Variants in PATJ observed in about 807,000 individuals in gnomAD.
The protein encoded by PATJ is PATJ crumbs cell polarity complex component, also known as inaD-like protein.
A neutral mutation model predicts 224.9 loss-of-function variants in PATJ; 190 were observed. The observed-to-expected ratio is 0.84, with a 90% confidence interval of 0.75 to 0.95. PATJ has a LOEUF of 0.95. Ranked by LOEUF, PATJ falls within the 40% of genes least tolerant of loss-of-function variation. The pLI is 0.00. For synonymous variants in PATJ, 769 were observed against 820.3 expected (o/e 0.94, Z 1.07); for missense variants, 2,121 against 2,270.3 (o/e 0.93, Z 1.34).
At chr1:61,863,750 A>G (rs1458623807) in intron 19 of PATJ, among the ~76,000 whole-genome samples, 1 of 152,144 alleles carries the variant, frequency 6.6e-6, no homozygotes, top group Non-Finnish European at 1.5e-5. Context: ...GTAGAGACAT[A>G]CTCCCCATAT....
intron 1 of PATJ, among the ~76,000 whole-genome samples, chr1:61,755,832 G>A (rs965998430): frequency 6.6e-6 from 1 of 152,042 alleles, no homozygotes; most frequent in Admixed American, 6.6e-5. Context: ...TTTAGACGGA[G>A]TTTCTGTTGC....
Position 61,990,315 on chromosome 1 carries a change from G to C in PATJ, c.3818G>C (p.Gly1273Ala). 6.2e-7 allele frequency: 1 copy of C among 1,613,704 alleles called. No homozygotes were observed. Among genetic ancestry groups the C allele is most frequent in the East Asian group, 2.2e-5 (1 of 44,868 alleles). The change falls in exon 28 of 44, where the codon GGA becomes GCA. Residue 1273 changes from glycine (G) to alanine (A), a missense_variant. Coordinates refer to ENST00000642238, the MANE Select transcript of PATJ (RefSeq NM_001350145.3). ...SIFVVGINPE[G>A]PAAADGRMRI... ...TTTGTGGTGGGAATTAACCCGGAAGGACCTGCTGCCGCAGATGGACGAATG... is the reference window on the plus strand; with the variant it reads ...TTTGTGGTGGGAATTAACCCGGAAGCACCTGCTGCCGCAGATGGACGAATG...
intron 27 of PATJ, among the ~76,000 whole-genome samples, chr1:61,948,220 C>T (rs1021779023): frequency 2.6e-5 from 4 of 152,066 alleles, no homozygotes; most frequent in Non-Finnish European, 4.4e-5. Flanking sequence ...AATGGGATCT[C>T]ATTAAACTAA....
intron 27 of PATJ, among the ~76,000 whole-genome samples, chr1:61,964,316 A>G (rs925916387): frequency 3.9e-5 from 6 of 152,016 alleles, no homozygotes; most frequent in African/African-American, 1.4e-4. Context: ...TCCTGACCTC[A>G]GGTAAACCTC....
chr1:62,125,858 C>T lies in PATJ; in HGVS notation c.5044-2114C>T, dbSNP rs566514501. 2.6e-5 allele frequency among the ~76,000 whole-genome samples: 4 copies of T among 152,276 alleles called. No individual in the cohort carries two copies. In the East Asian group the frequency reaches 7.7e-4, roughly 29 times the overall value. Reference sequence around the variant, plus strand: ...AATCTCGGCTCACTGAAACCTCCACCTCCCAGGTTCAAGTCATTCTCCTCC... The same window carrying T: ...AATCTCGGCTCACTGAAACCTCCACTTCCCAGGTTCAAGTCATTCTCCTCC... On this transcript the variant is annotated intron_variant, in intron 39 of 43. Transcript: ENST00000642238.
At chr1:61,952,253 T>TGAGAGAGAGAGAGAGAGAGAGA (rs111315851) in intron 27 of PATJ, 4 of 475,072 alleles carry the variant, frequency 8.4e-6, no homozygotes, top group Non-Finnish European at 7.6e-6. Context: ...GAACAAAATC[T>TGAGAGAGAGAGAGAGAGAGAGA]GAGAGAGAGA....
At chr1:61,917,482 AT>A (rs34048060) in intron 26 of PATJ, among the ~76,000 whole-genome samples, 26,605 of 152,118 alleles carry the variant, frequency 0.17, 2,558 homozygotes, top group Non-Finnish European at 0.21. Context: ...GCATCTATAA[AT>A]TTTTTTCTCC....
intron 37 of PATJ, among the ~76,000 whole-genome samples, chr1:62,119,677 C>G (rs1471120857): frequency 2.0e-5 from 3 of 152,138 alleles, no homozygotes; most frequent in Non-Finnish European, 4.4e-5. Flanking sequence ...CGTGGTGGCT[C>G]ACATCTGTAA....
chr1:61,988,954 C>T (rs759517348), intron 27 of PATJ, among the ~76,000 whole-genome samples: 1 of 152,104 alleles, frequency 6.6e-6, no homozygotes, highest in African/African-American at 2.4e-5. Context: ...TCACAATCTA[C>T]GAATTTGTTA....
At chr1:61,963,228 A>G (rs898187047) in intron 27 of PATJ, among the ~76,000 whole-genome samples, 1 of 152,162 alleles carries the variant, frequency 6.6e-6, no homozygotes, top group Admixed American at 6.5e-5. Context: ...AACACAACCA[A>G]TCAGTTAGGC....
chr1:61,901,487 T>C (rs761520880), intron 24 of PATJ, 28 bp downstream of exon 24: 8 of 1,468,424 alleles, frequency 5.4e-6, no homozygotes, highest in Non-Finnish European at 7.4e-6. Context: ...ACTGTTTTTA[T>C]TGGAAACATA....
At chr1:61,916,179 GGAGAATA>G (rs1409271040) in intron 26 of PATJ, among the ~76,000 whole-genome samples, 1 of 151,658 alleles carries the variant, frequency 6.6e-6, no homozygotes, top group East Asian at 1.9e-4. Context: ...ATAATCTAGT[GGAGAATA>G]CTGGGAAAAC....
At chr1:61,788,662 G>GTTTGTTTGT (rs1553160762) in intron 8 of PATJ, among the ~76,000 whole-genome samples, 4 of 151,826 alleles carry the variant, frequency 2.6e-5, no homozygotes, top group African/African-American at 9.7e-5. Context: ...TTGTTTGTTT[G>GTTTGTTTGT]TTTGTTTTGT....
At chr1:61,938,805 T>A (rs10889273) in intron 27 of PATJ, among the ~76,000 whole-genome samples, 28,936 of 151,460 alleles carry the variant, frequency 0.19, 2,974 homozygotes, top group Non-Finnish European at 0.22. Flanking sequence ...CATAAAAAAA[T>A]TTTTTTTTCT....
intron 31 of PATJ, among the ~76,000 whole-genome samples, chr1:62,068,707 G>A (rs1656899495): frequency 6.6e-6 from 1 of 152,184 alleles, no homozygotes; most frequent in South Asian, 2.1e-4. Context: ...ATGGGATATT[G>A]CCAGTGTTGC....
chr1:61,867,896 A>G (rs577898088), intron 20 of PATJ, among the ~76,000 whole-genome samples: 3 of 152,300 alleles, frequency 2.0e-5, no homozygotes, highest in Non-Finnish European at 4.4e-5. Flanking sequence ...AACACATTCA[A>G]ATCCCTTACA....
chr1:61,892,669 T>G (rs978173958), intron 22 of PATJ, among the ~76,000 whole-genome samples: 1 of 152,222 alleles, frequency 6.6e-6, no homozygotes, highest in Non-Finnish European at 1.5e-5. Context: ...AAGACTTTAT[T>G]TCTTTAAAGC....
chr1:61,905,499 GA>G (rs1447124413), intron 24 of PATJ, among the ~76,000 whole-genome samples: 3 of 152,354 alleles, frequency 2.0e-5, no homozygotes, highest in South Asian at 2.1e-4. Flanking sequence ...TTCACCCATT[GA>G]AAGACACTTG....
At chr1:61,827,676 A>G in intron 16 of PATJ, 93 bp downstream of exon 16, 2 of 1,182,514 alleles carry the variant, frequency 1.7e-6, no homozygotes, top group Admixed American at 2.5e-5. Flanking sequence ...AGGGGAAACC[A>G]TTCCACTCTG....
Sources: allele counts gnomAD v4.1 joint callset (sites outside exome capture counted in the v4.1 genomes callset), GRCh38; gene constraint gnomAD v4.1.1; transcripts MANE v1.5; gene names NCBI Gene and HGNC (gene_info 2026-07-23, HGNC 2026-07-21).